PRKCA: variants seen among roughly 807,000 people sequenced by gnomAD.
PRKCA encodes the protein protein kinase C alpha.
Under a neutral mutation model 87.0 loss-of-function variants are expected in PRKCA, and 27 were observed. That is an observed-to-expected ratio of 0.31 (90% CI 0.23 to 0.43). The LOEUF (loss-of-function observed/expected upper bound fraction) is 0.43. Ranked by LOEUF, PRKCA falls within the 20% of genes least tolerant of loss-of-function variation. PRKCA has a pLI of 1.00. For synonymous variants in PRKCA, 329 were observed against 311.1 expected, an observed-to-expected ratio of 1.06 and a Z score of -0.61; for missense variants, 518 against 852.3, an observed-to-expected ratio of 0.61 and a Z score of 4.88.
At chr17:66,381,766 GC>G (rs1187344005) in intron 2 of PRKCA, among the ~76,000 whole-genome samples, 1 of 152,116 alleles carries the variant, frequency 6.6e-6, no homozygotes, top group Non-Finnish European at 1.5e-5. Context: ...AAATAGTTTA[GC>G]TTCTTTTACC....
In PRKCA at chr17:66,582,377, A is replaced by G. The variant is rs148295273; in HGVS notation, c.289-58978A>G. On this transcript the variant is annotated intron_variant, in intron 3 of 16. Coordinates refer to ENST00000413366, the MANE Select transcript of PRKCA (RefSeq NM_002737.3). ...TGTCCCCACCCAAATCTCACCTTGA[A>G]TTGTAATAATCCCCATGTGTCAAGG... Among the ~76,000 whole-genome samples, 7 of 152,268 alleles carry G rather than the reference A, an allele frequency of 4.6e-5. No homozygotes were observed. In the East Asian group the frequency reaches 1.2e-3, roughly 25 times the overall value.
At chr17:66,653,810 C>A (rs72845987) in intron 5 of PRKCA, among the ~76,000 whole-genome samples, 30,970 of 78,650 alleles carry the variant, frequency 0.39, 3,770 homozygotes, top group Middle Eastern at 0.4. Context: ...AAAAAAAAAA[C>A]AAAACCAACA....
intron 2 of PRKCA, among the ~76,000 whole-genome samples, chr17:66,358,220 TTCC>T (rs1908179690): frequency 6.6e-6 from 1 of 152,136 alleles, no homozygotes; most frequent in Admixed American, 6.6e-5. Flanking sequence ...CACTGAGGTT[TTCC>T]CTGGACAAGA....
intron 2 of PRKCA, among the ~76,000 whole-genome samples, chr17:66,451,366 T>TTATG (rs1350815262): frequency 6.6e-6 from 1 of 151,366 alleles, no homozygotes; most frequent in African/African-American, 2.4e-5. Context: ...ATTTATTTAT[T>TTATG]TATTTATTTA....
At chr17:66,338,824 A>C (rs1906864135) in intron 2 of PRKCA, among the ~76,000 whole-genome samples, 1 of 152,234 alleles carries the variant, frequency 6.6e-6, no homozygotes, top group African/African-American at 2.4e-5. Context: ...TCAGACACTG[A>C]CCAAATCTGT....
chr17:66,716,567 G>A (rs1162994293), intron 8 of PRKCA, among the ~76,000 whole-genome samples: 1 of 152,132 alleles, frequency 6.6e-6, no homozygotes, highest in African/African-American at 2.4e-5. Flanking sequence ...AGGGCAAACC[G>A]CCTTTCCAGG....
At chr17:66,554,632 T>A in intron 3 of PRKCA, 1 of 726,094 alleles carries the variant, frequency 1.4e-6, no homozygotes, top group Non-Finnish European at 1.7e-6. Flanking sequence ...TGGGGGGCAC[T>A]AGCAAATAAA....
chr17:66,318,860 A>G (rs1045213264), intron 2 of PRKCA, among the ~76,000 whole-genome samples: 8 of 152,154 alleles, frequency 5.3e-5, no homozygotes, highest in Non-Finnish European at 8.8e-5. Flanking sequence ...GTCTCAAAAA[A>G]AAAAAGACTT....
At chr17:66,461,457 G>T (rs1260732535) in intron 2 of PRKCA, among the ~76,000 whole-genome samples, 6 of 152,138 alleles carry the variant, frequency 3.9e-5, no homozygotes, top group African/African-American at 7.2e-5. Flanking sequence ...TGTCACCTGA[G>T]TTGTGGTGAA....
chr17:66,785,386 C>T (rs1342185577), intron 14 of PRKCA, among the ~76,000 whole-genome samples: 1 of 152,176 alleles, frequency 6.6e-6, no homozygotes, highest in Non-Finnish European at 1.5e-5. Flanking sequence ...AAGCCAAACA[C>T]CATCACTGTG....
chr17:66,382,403 C>T (rs987033061), intron 2 of PRKCA, among the ~76,000 whole-genome samples: 2 of 152,164 alleles, frequency 1.3e-5, no homozygotes, highest in African/African-American at 2.4e-5. Context: ...CAGGCTTAAG[C>T]GATTCTCCTG....
chr17:66,375,131 T>G (rs1381884150), intron 2 of PRKCA, among the ~76,000 whole-genome samples: 4 of 152,152 alleles, frequency 2.6e-5, no homozygotes, highest in Non-Finnish European at 5.9e-5. Flanking sequence ...TAGTTTTACC[T>G]GTATATTCGG....
chr17:66,369,253 A>C (rs1051454203), intron 2 of PRKCA, among the ~76,000 whole-genome samples: 6 of 152,064 alleles, frequency 3.9e-5, no homozygotes, highest in Non-Finnish European at 8.8e-5. Flanking sequence ...CTTTTTTATG[A>C]GCTTTGGTGA....
intron 2 of PRKCA, among the ~76,000 whole-genome samples, chr17:66,470,069 A>C (rs1482956509): frequency 6.6e-6 from 1 of 152,078 alleles, no homozygotes; most frequent in African/African-American, 2.4e-5. Context: ...GTGGGAAAAT[A>C]ACAACATGAC....
intron 2 of PRKCA, among the ~76,000 whole-genome samples, chr17:66,438,736 C>G (rs1029239555): frequency 1.3e-5 from 2 of 152,094 alleles, no homozygotes; most frequent in Admixed American, 6.5e-5. Flanking sequence ...GCAAACATGT[C>G]CTTCTTTACA....
chr17:66,733,819 G>A (rs2144207336), intron 9 of PRKCA, among the ~76,000 whole-genome samples: 1 of 152,216 alleles, frequency 6.6e-6, no homozygotes, highest in Middle Eastern at 3.4e-3. Flanking sequence ...AAAAAAAGGT[G>A]GAAGTTGGCT....
At chr17:66,368,539 C>T (rs1187432508) in intron 2 of PRKCA, among the ~76,000 whole-genome samples, 2 of 150,840 alleles carry the variant, frequency 1.3e-5, no homozygotes, top group Non-Finnish European at 3.0e-5. Flanking sequence ...TACAGGCATA[C>T]ACCACCACAT....
intron 2 of PRKCA, among the ~76,000 whole-genome samples, chr17:66,439,651 T>C (rs1054697570): frequency 6.6e-6 from 1 of 152,132 alleles, no homozygotes. Context: ...ATCCTTCACG[T>C]TGGAGGTTTG....
intron 4 of PRKCA, among the ~76,000 whole-genome samples, chr17:66,643,388 T>G (rs1456623483): frequency 1.3e-5 from 2 of 152,208 alleles, no homozygotes; most frequent in Non-Finnish European, 2.9e-5. Context: ...ATGTGGAGGC[T>G]GGTCTGAGAC....
Sources: gnomAD v4.1 joint callset for allele counts (sites outside exome capture counted in the v4.1 genomes callset) on GRCh38, gnomAD v4.1.1 for gene constraint, MANE v1.5 for transcripts, NCBI Gene and HGNC (gene_info 2026-07-23, HGNC 2026-07-21) for gene names.